STK17A: variants seen among roughly 807,000 people sequenced by gnomAD.
STK17A encodes the protein serine/threonine kinase 17a.
A neutral mutation model predicts 43.7 loss-of-function variants in STK17A; 26 were observed. That is an observed-to-expected ratio of 0.60 (90% CI 0.44 to 0.83). STK17A has a LOEUF of 0.83. Ranked by LOEUF, STK17A falls within the 40% of genes least tolerant of loss-of-function variation. The pLI, the probability that STK17A is intolerant of heterozygous loss-of-function variation, is 0.00. For missense variants in STK17A, 476 were observed against 511.6 expected (o/e 0.93, Z 0.67); for synonymous variants, 191 against 182.5 (o/e 1.05, Z -0.38).
At chr7:43,609,540 C>T (rs2082675633) in intron 3 of STK17A, 1 of 152,230 alleles carries the variant, frequency 6.6e-6, no homozygotes, top group South Asian at 2.1e-4. Context: ...TAAAGGTCCA[C>T]TATGATGATT....
intron 2 of STK17A, among the ~76,000 whole-genome samples, chr7:43,607,080 T>C (rs1030139854): frequency 4.0e-5 from 6 of 151,494 alleles, no homozygotes; most frequent in African/African-American, 1.5e-4. Context: ...TGCGCTACCA[T>C]GCCTGGCTAA....
At position 43,583,154 on chromosome 7, in the gene STK17A, C is replaced by G. The variant is rs964324229; in HGVS notation, c.-90C>G. On this transcript the variant is annotated 5_prime_UTR_variant, in exon 1 of 7. Transcript: ENST00000319357. Reference sequence around the variant, plus strand: ...GGAGAGCGGGTGTTTGAAGGCTCCGCGGACCGGCACTAGGAGCCGGGGGCG... The same window carrying G: ...GGAGAGCGGGTGTTTGAAGGCTCCGGGGACCGGCACTAGGAGCCGGGGGCG... 6 of 1,401,544 alleles carry G rather than the reference C, an allele frequency of 4.3e-6. 1 individual carries two copies. The South Asian group carries it at 5.1e-5, about 12-fold the overall frequency. The allele number at this position is 1,401,544 out of a possible 1,614,324, so 86.8% of individuals were successfully genotyped here.
rs189338203 is a variant in STK17A at position 43,589,300 on chromosome 7, A to G, written c.206+5851A>G. On this transcript the variant is annotated intron_variant, in intron 1 of 6. Transcript: ENST00000319357. Reference sequence around the variant, plus strand: ...GAAACTCACAGTCCAGCTGGGAGACATAGTACAACAAGTTGTAATATATAA... The same window carrying G: ...GAAACTCACAGTCCAGCTGGGAGACGTAGTACAACAAGTTGTAATATATAA... Among the ~76,000 whole-genome samples, 12 of 151,658 alleles carry G rather than the reference A, an allele frequency of 7.9e-5. 1 individual carries two copies. Among genetic ancestry groups the G allele is most frequent in the Non-Finnish European group, 1.3e-4 (9 of 67,628 alleles).
At chr7:43,604,849 G>A (rs1563147062) in intron 2 of STK17A, among the ~76,000 whole-genome samples, 1 of 152,046 alleles carries the variant, frequency 6.6e-6, no homozygotes, top group Non-Finnish European at 1.5e-5. Context: ...GATCCCTGGG[G>A]TCCTGTTTGT....
At chr7:43,587,099 T>C (rs1337845379) in intron 1 of STK17A, among the ~76,000 whole-genome samples, 1 of 151,172 alleles carries the variant, frequency 6.6e-6, no homozygotes, top group Non-Finnish European at 1.5e-5. Context: ...CTGTATCTTA[T>C]GACTAAAGCA....
chr7:43,602,812 C>T (rs2082564622), intron 2 of STK17A, among the ~76,000 whole-genome samples: 1 of 152,166 alleles, frequency 6.6e-6, no homozygotes, highest in Non-Finnish European at 1.5e-5. Flanking sequence ...CCAACCTCTG[C>T]CCCTTTCTTA....
intron 3 of STK17A, among the ~76,000 whole-genome samples, chr7:43,611,742 G>A (rs552414757): frequency 5.3e-5 from 8 of 151,966 alleles, no homozygotes; most frequent in Non-Finnish European, 8.8e-5. Context: ...TTTCATGTTT[G>A]GTTTTACACT....
rs148320188 is a variant in STK17A at position 43,598,548 on chromosome 7, A to C, written c.419+2435A>C. ...ATCCCCATAGTTGATAATTCTGTAC[A>C]CCTCCATTGATAACTGTGGTCCTCT... On this transcript the variant is annotated intron_variant, in intron 2 of 6. Coordinates refer to ENST00000319357, the MANE Select transcript of STK17A (RefSeq NM_004760.3). Among the ~76,000 whole-genome samples the C allele has an allele frequency of 4.3e-4, 66 of 151,952 alleles. 1 individual carries two copies. In the East Asian group the frequency reaches 0.012, roughly 27 times the overall value.
intron 2 of STK17A, among the ~76,000 whole-genome samples, chr7:43,604,354 G>C (rs1353035718): frequency 6.6e-6 from 1 of 152,092 alleles, no homozygotes; most frequent in Non-Finnish European, 1.5e-5. Flanking sequence ...GCTTCCTGGA[G>C]GAGGAGGCAT....
At chr7:43,613,819 G>A (rs2083093377) in intron 3 of STK17A, among the ~76,000 whole-genome samples, 1 of 152,090 alleles carries the variant, frequency 6.6e-6, no homozygotes, top group Admixed American at 6.5e-5. Flanking sequence ...TTCCAGCCTG[G>A]GGAACAGAGT....
rs1326530416 is a variant in STK17A at position 43,625,276 on chromosome 7, G to C, written c.*434G>C. On this transcript the variant is annotated 3_prime_UTR_variant, in exon 7 of 7. Coordinates refer to ENST00000319357, the MANE Select transcript of STK17A (RefSeq NM_004760.3). ...CTAAAATTGCTACTTTTTCACTTTG[G>C]ATTTGTTTTTGGCAAAATTTTAGTC... The C allele has an allele frequency of 6.5e-6, 1 of 152,898 alleles. No homozygotes were observed. The highest frequency in any genetic ancestry group is 1.9e-4 in the East Asian group (1 of 5,210). 9.5% of individuals were successfully genotyped at this position (152,898 alleles called of 1,614,324 possible). A position where few individuals can be genotyped will look rare whatever the true frequency, so the allele number is the denominator to read the frequency against.
At chr7:43,594,179 G>A (rs2152970944) in intron 1 of STK17A, among the ~76,000 whole-genome samples, 1 of 151,936 alleles carries the variant, frequency 6.6e-6, no homozygotes, top group Non-Finnish European at 1.5e-5. Context: ...GATCACTTGA[G>A]CCCGGAAGTC....
At chr7:43,613,141 GTGT>G (rs1182807939) in intron 3 of STK17A, among the ~76,000 whole-genome samples, 1 of 152,114 alleles carries the variant, frequency 6.6e-6, no homozygotes, top group African/African-American at 2.4e-5. Flanking sequence ...TCTTCAAATG[GTGT>G]TGTACTGGTT....
At chr7:43,624,465 A>C in intron 6 of STK17A, 53 bp from the exon 7 acceptor site, 6 of 1,517,290 alleles carry the variant, frequency 4.0e-6, no homozygotes, top group Non-Finnish European at 5.3e-6. Context: ...CTTATGCTCT[A>C]ATTTTAATTG....
chr7:43,609,256 G>A (rs1192486782), intron 3 of STK17A: 1 of 152,250 alleles, frequency 6.6e-6, no homozygotes, highest in Non-Finnish European at 1.5e-5. Flanking sequence ...GGAGACAGCA[G>A]GAAAGTCAGT....
intron 3 of STK17A, among the ~76,000 whole-genome samples, chr7:43,617,371 G>C (rs541718385): frequency 6.6e-6 from 1 of 152,376 alleles, no homozygotes; most frequent in African/African-American, 2.4e-5. Flanking sequence ...CATTGCAATA[G>C]AGCAAGAAAG....
intron 1 of STK17A, among the ~76,000 whole-genome samples, chr7:43,590,342 A>G (rs1179160571): frequency 6.6e-6 from 1 of 151,372 alleles, no homozygotes; most frequent in African/African-American, 2.4e-5. Flanking sequence ...TACCTACCTA[A>G]AGATACTCAC....
At chr7:43,606,578 G>T (rs534266451) in intron 2 of STK17A, among the ~76,000 whole-genome samples, 2 of 151,950 alleles carry the variant, frequency 1.3e-5, no homozygotes, top group South Asian at 4.2e-4. Context: ...AAAATTTTTT[G>T]GTTAAAAAGT....
At chr7:43,614,054 A>G (rs1195248303) in intron 3 of STK17A, among the ~76,000 whole-genome samples, 1 of 152,202 alleles carries the variant, frequency 6.6e-6, no homozygotes, top group Non-Finnish European at 1.5e-5. Flanking sequence ...AATAGTTAAT[A>G]TACTAGAACT....
Sources: gnomAD v4.1 joint callset for allele counts (sites outside exome capture counted in the v4.1 genomes callset) on GRCh38, gnomAD v4.1.1 for gene constraint, MANE v1.5 for transcripts, NCBI Gene and HGNC (gene_info 2026-07-23, HGNC 2026-07-21) for gene names.